Variants in IL6R observed in about 807,000 individuals in gnomAD.
IL6R encodes the protein interleukin-6 receptor subunit alpha.
Under a neutral mutation model 48.3 loss-of-function variants are expected in IL6R, and 38 were observed. The observed-to-expected ratio is 0.79, with a 90% CI of 0.61 to 1.03. The LOEUF is 1.03. Among genes scored for constraint, IL6R ranks in the 50% least tolerant of loss-of-function variants. The probability of loss-of-function intolerance (pLI) is 0.00; values close to 1 mark genes in which losing one functional copy is unlikely to be tolerated. For synonymous variants in IL6R, 264 were observed against 256.2 expected (o/e 1.03, Z -0.29); for missense variants, 534 against 618.3 (o/e 0.86, Z 1.45).
At chr1:154,408,583 A>G (rs1687861326) in intron 1 of IL6R, among the ~76,000 whole-genome samples, 1 of 152,146 alleles carries the variant, frequency 6.6e-6, no homozygotes, top group South Asian at 2.1e-4. Context: ...GGCAGCAGGC[A>G]CACTGATCCT....
At position 154,461,425 on chromosome 1, in the gene IL6R, C is replaced by A. The variant is rs1691254716; in HGVS notation, c.1161-3709C>A. 2.0e-5 allele frequency among the ~76,000 whole-genome samples: 3 copies of A among 152,200 alleles called. No homozygotes were observed. The South Asian group carries it at 6.2e-4, about 31-fold the overall frequency. On this transcript the variant is annotated intron_variant, in intron 9 of 9. Transcript: ENST00000368485. Reference sequence around the variant, plus strand: ...TAAGTAACAGGTGCCTTCCCAGACACTGGCGTTACCGCTTGACCAAGGAGC... The same window carrying A: ...TAAGTAACAGGTGCCTTCCCAGACAATGGCGTTACCGCTTGACCAAGGAGC...
At chr1:154,438,646 C>T (rs543003090) in intron 6 of IL6R, among the ~76,000 whole-genome samples, 1 of 152,190 alleles carries the variant, frequency 6.6e-6, no homozygotes. Flanking sequence ...AGGCTTTTAT[C>T]TATGGGCTGC....
At chr1:154,453,511 GT>G (rs1690706087) in intron 8 of IL6R, among the ~76,000 whole-genome samples, 1 of 152,240 alleles carries the variant, frequency 6.6e-6, no homozygotes, top group Non-Finnish European at 1.5e-5. Flanking sequence ...AGATGGTTTT[GT>G]TTAGATGTGC....
chr1:154,413,151 A>G (rs1688131062), intron 1 of IL6R, among the ~76,000 whole-genome samples: 3 of 151,838 alleles, frequency 2.0e-5, no homozygotes, highest in Admixed American at 2.0e-4. Context: ...ACAGGCATGC[A>G]CCACCAAGCC....
chr1:154,435,751 G>A (rs1689587429), intron 5 of IL6R, among the ~76,000 whole-genome samples: 1 of 152,228 alleles, frequency 6.6e-6, no homozygotes, highest in South Asian at 2.1e-4. Flanking sequence ...TGGCTTGCAG[G>A]ATTCTATAGT....
chr1:154,439,835 G>A (rs1285181527), intron 6 of IL6R, among the ~76,000 whole-genome samples: 1 of 152,058 alleles, frequency 6.6e-6, no homozygotes, highest in Non-Finnish European at 1.5e-5. Context: ...TCATTTGCTT[G>A]CTTGCTTGCT....
At chr1:154,425,134 A>G (rs12117832) in intron 1 of IL6R, among the ~76,000 whole-genome samples, 84,090 of 152,060 alleles carry the variant, frequency 0.55, 23,445 homozygotes, top group Admixed American at 0.64. Flanking sequence ...TATCAGGCCC[A>G]GGGTGTGGCG....
In IL6R at chr1:154,442,835, G is replaced by A. The variant is rs536537299; in HGVS notation, c.950-5290G>A. 1.5e-4 allele frequency among the ~76,000 whole-genome samples: 23 copies of A among 151,684 alleles called. No individual in the cohort carries two copies. The South Asian group carries it at 4.4e-3, about 29-fold the overall frequency. On this transcript the variant is annotated intron_variant, in intron 6 of 9. Transcript: ENST00000368485. Reference sequence around the variant, plus strand: ...GGTATCTCATTCTGTTGCCCAAGCCGGAGTGCAGTGGCATAATCATAGCTC... The same window carrying A: ...GGTATCTCATTCTGTTGCCCAAGCCAGAGTGCAGTGGCATAATCATAGCTC...
At position 154,465,420 on chromosome 1, in the gene IL6R, T is replaced by C. The variant is rs2229238; in HGVS notation, c.*40T>C. 0.8 allele frequency: 1,294,697 copies of C among 1,609,068 alleles called. 522,104 individuals are homozygous for C. The highest frequency in any genetic ancestry group is 0.84 in the Admixed American group (50,067 of 59,956). On this transcript the variant is annotated 3_prime_UTR_variant, in exon 10 of 10. Transcript: ENST00000368485. ...CCAGCAGCCTGGACCCTGTGGATGA[T>C]AAAACACAAACGGGCTCAGCAAAAG...
rs370556670 is a variant in IL6R, at chr1:154,423,202, C to T, written c.86-5994C>T. Among the ~76,000 whole-genome samples the T allele has an allele frequency of 1.5e-4, 22 of 149,774 alleles. 1 individual carries two copies. The East Asian group carries it at 3.2e-3, about 22-fold the overall frequency. ...CCCACTGCGCTCTGCCGTGCCCTCT[C>T]CCTCCTTCCTAGAAATCCTAACTCA... On this transcript the variant is annotated intron_variant, in intron 1 of 9. Coordinates refer to ENST00000368485, the MANE Select transcript of IL6R (RefSeq NM_000565.4).
chr1:154,429,048 G>C, intron 1 of IL6R, 148 bp from the exon 2 acceptor site: 1 of 893,026 alleles, frequency 1.1e-6, no homozygotes, highest in Non-Finnish European at 1.7e-6. Context: ...AGGTCACCAG[G>C]AGAATGCTGC....
chr1:154,445,358 C>T (rs1690160010), intron 6 of IL6R, among the ~76,000 whole-genome samples: 2 of 152,174 alleles, frequency 1.3e-5, no homozygotes, highest in Non-Finnish European at 2.9e-5. Flanking sequence ...GGTTACTGGG[C>T]ATTCTCTGGG....
intron 9 of IL6R, among the ~76,000 whole-genome samples, chr1:154,464,094 C>T (rs776366678): frequency 2.0e-5 from 3 of 151,822 alleles, no homozygotes; most frequent in South Asian, 2.1e-4. Flanking sequence ...TTACTTTGAC[C>T]GAGAGGCCCA....
intron 6 of IL6R, among the ~76,000 whole-genome samples, chr1:154,445,562 A>G (rs1690174185): frequency 6.6e-6 from 1 of 152,092 alleles, no homozygotes; most frequent in Non-Finnish European, 1.5e-5. Context: ...CATCCTGGCT[A>G]ACACGGTGAA....
At chr1:154,447,446 A>T (rs1452145601) in intron 6 of IL6R, among the ~76,000 whole-genome samples, 9,805 of 64,586 alleles carry the variant, frequency 0.15, 1,438 homozygotes, top group Non-Finnish European at 0.18. Flanking sequence ...CTCAAAAAAA[A>T]AAAAAAAAAT....
At chr1:154,455,993 G>A (rs1276737918) in intron 9 of IL6R, among the ~76,000 whole-genome samples, 1 of 151,814 alleles carries the variant, frequency 6.6e-6, no homozygotes, top group East Asian at 2.0e-4. Context: ...GGAAGCGGAG[G>A]TTGCAGTGAG....
At chr1:154,443,282 C>T (rs1690037436) in intron 6 of IL6R, among the ~76,000 whole-genome samples, 1 of 152,240 alleles carries the variant, frequency 6.6e-6, no homozygotes, top group South Asian at 2.1e-4. Flanking sequence ...TACACGTTAT[C>T]TTCTCAAACT....
At chr1:154,429,157 G>A (rs2149235174) in intron 1 of IL6R, 39 bp from the exon 2 acceptor site, 2 of 1,586,408 alleles carry the variant, frequency 1.3e-6, no homozygotes, top group Non-Finnish European at 1.7e-6. Flanking sequence ...CCCTTCTTCA[G>A]TGGCTGTGGG....
intron 9 of IL6R, among the ~76,000 whole-genome samples, chr1:154,455,476 C>G (rs1429478886): frequency 1.5e-5 from 2 of 130,156 alleles, no homozygotes; most frequent in Non-Finnish European, 3.2e-5. Flanking sequence ...TTTTTTGAGA[C>G]AGAGTCTTGC....
Sources: allele counts gnomAD v4.1 joint callset (sites outside exome capture counted in the v4.1 genomes callset), GRCh38; gene constraint gnomAD v4.1.1; transcripts MANE v1.5; gene names NCBI Gene and HGNC (gene_info 2026-07-23, HGNC 2026-07-21).